COMMD6: variants seen among roughly 807,000 people sequenced by gnomAD.
COMMD6 encodes COMM domain containing 6.
Under a neutral mutation model 13.4 loss-of-function variants are expected in COMMD6, and 11 were observed. The ratio of observed to expected loss-of-function variants is 0.82; its 90% CI spans 0.52 to 1.36. The LOEUF is 1.36. Among genes scored for constraint, COMMD6 ranks in the 40% most tolerant of loss-of-function variants. The pLI is 0.00. For synonymous variants in COMMD6, 43 were observed against 36.5 expected (o/e 1.18, Z -0.64); for missense variants, 124 against 102.4 (o/e 1.21, Z -0.91).
chr13:75,530,000 T>C, intron 3 of COMMD6, 114 bp downstream of exon 3: 1 of 781,820 alleles, frequency 1.3e-6, no homozygotes, highest in South Asian at 1.7e-5. Context: ...ACGTAAAGCA[T>C]ATCAATCTAC....
rs1008653397 is a variant in COMMD6 at position 75,547,158 on chromosome 13, A to C, written n.106+2165T>G. ...GATTACTAAATAGCAGTTGAGCACG[A>C]TGCTTGGGGGCCATTTTAAACATTG... On this transcript the variant is annotated intron_variant and non_coding_transcript_variant, in intron 1 of 2. Coordinates refer to the COMMD6 transcript ENST00000460675. Among the ~76,000 whole-genome samples, 5 of 152,216 alleles carry C rather than the reference A, an allele frequency of 3.3e-5. No homozygotes were observed. The East Asian group carries it at 9.6e-4, about 29-fold the overall frequency.
upstream of COMMD6, among the ~76,000 whole-genome samples, chr13:75,538,274 T>A (rs1357751253): frequency 7.9e-5 from 12 of 152,188 alleles, no homozygotes; most frequent in African/African-American, 2.9e-4. Flanking sequence ...GGCCTAGCTG[T>A]GGGCGGGGCA....
intron 2 of COMMD6, 81 bp downstream of exon 2, chr13:75,537,583 G>A (rs1167365778): frequency 2.5e-6 from 4 of 1,606,366 alleles, no homozygotes; most frequent in African/African-American, 2.7e-5. Flanking sequence ...GGGGAGACCT[G>A]GGGAAGGCTC....
At chr13:75,539,794 CA>C (rs367925680), upstream of COMMD6, among the ~76,000 whole-genome samples, 1 of 151,964 alleles carries the variant, frequency 6.6e-6, no homozygotes, top group Non-Finnish European at 1.5e-5. Flanking sequence ...AAAAAACAAA[CA>C]AAAAAACCCC....
rs1223355173 is a variant in COMMD6, at chr13:75,525,963, TCA to T, written c.*624_*625del. ...ACGGGTTAACTCCGTCGTACAGAAC[TCA>T]GACTAAAACTCGTCTTTCCAACTCT... On this transcript the variant is annotated 3_prime_UTR_variant, in exon 4 of 4. Transcript: ENST00000682242. 1.3e-5 allele frequency: 2 copies of T among 152,242 alleles called. No homozygotes were observed. Among genetic ancestry groups the T allele is most frequent in the Non-Finnish European group, 2.9e-5 (2 of 68,046 alleles). The allele number at this position is 152,242 out of a possible 1,614,324, so 9.4% of individuals were successfully genotyped here.
At chr13:75,530,321 G>C (rs2030429825) in intron 2 of COMMD6, 55 bp from the exon 3 acceptor site, 1 of 1,428,752 alleles carries the variant, frequency 7.0e-7, no homozygotes, top group African/African-American at 1.4e-5. Context: ...CTGGAATGCA[G>C]ATATTTATTC....
At chr13:75,528,985 A>G (rs1350457404) in intron 3 of COMMD6, among the ~76,000 whole-genome samples, 1 of 152,238 alleles carries the variant, frequency 6.6e-6, no homozygotes, top group Admixed American at 6.5e-5. Flanking sequence ...TAGGACCAAT[A>G]TAATTTTAGT....
At position 75,537,778 on chromosome 13, in the gene COMMD6, C is replaced by T; in HGVS notation, c.28G>A (p.Asp10Asn). ...TTGGAACTCACATCGGACTTAGCAT[C>T]CAGCGGCGGCTCGCTGGACGCCTCC... is the stretch of plus-strand genomic sequence containing the variant. MEASSEPPL[D>N]AKSDVTNQLV... The change falls in exon 1 of 4, where the codon GAT becomes AAT. Residue 10 changes from aspartate (D) to asparagine (N), a missense_variant. Transcript: ENST00000682242. The T allele has an allele frequency of 6.2e-7, 1 of 1,611,648 alleles. No individual in the cohort carries two copies. Among genetic ancestry groups the T allele is most frequent in the South Asian group, 1.1e-5 (1 of 90,984 alleles).
upstream of COMMD6, among the ~76,000 whole-genome samples, chr13:75,541,882 T>A (rs192303352): frequency 1.4e-4 from 22 of 152,314 alleles, no homozygotes; most frequent in East Asian, 4.2e-3. Flanking sequence ...TTATGGTGCA[T>A]GTTTAAATAA....
In COMMD6 at chr13:75,526,579, G is replaced by C. The variant is rs76708444; in HGVS notation, c.*10C>G. The C allele has an allele frequency of 1.2e-5, 19 of 1,581,436 alleles. No individual in the cohort carries two copies. The Admixed American group carries it at 3.3e-4, about 27-fold the overall frequency. ...GAATGATAGCAATTTATCAACCAAAGAATCCGTCTTCACACCGTTTCAATA... is the reference window on the plus strand; with the variant it reads ...GAATGATAGCAATTTATCAACCAAACAATCCGTCTTCACACCGTTTCAATA... On this transcript the variant is annotated 3_prime_UTR_variant, in exon 4 of 4. Transcript: ENST00000682242.
upstream of COMMD6, among the ~76,000 whole-genome samples, chr13:75,539,969 CTT>C (rs34796430): frequency 7.6e-3 from 866 of 113,784 alleles, 1 homozygote; most frequent in African/African-American, 0.014. Context: ...GCAAGGAAAT[CTT>C]TTTTTTTTTT....
chr13:75,530,329 T>A, intron 2 of COMMD6, 63 bp from the exon 3 acceptor site: 2 of 1,395,270 alleles, frequency 1.4e-6, no homozygotes. Flanking sequence ...CAGATATTTA[T>A]TCAATTTTAC....
At chr13:75,538,490 A>G (rs1302550949), upstream of COMMD6, among the ~76,000 whole-genome samples, 1 of 152,212 alleles carries the variant, frequency 6.6e-6, no homozygotes, top group African/African-American at 2.4e-5. Context: ...AATTCAATGA[A>G]CACCTGTATA....
At chr13:75,543,529 A>G (rs1345442771), upstream of COMMD6, among the ~76,000 whole-genome samples, 1 of 152,212 alleles carries the variant, frequency 6.6e-6, no homozygotes, top group Non-Finnish European at 1.5e-5. Context: ...GTAATTTGTT[A>G]TAGCAGCAGT....
Position 75,526,573 on chromosome 13 carries a change from A to G in COMMD6, c.*16T>C. The G allele has an allele frequency of 6.4e-7, 1 of 1,572,822 alleles. No homozygotes were observed. Among genetic ancestry groups the G allele is most frequent in the Non-Finnish European group, 8.7e-7 (1 of 1,151,860 alleles). On this transcript the variant is annotated 3_prime_UTR_variant, in exon 4 of 4. Coordinates refer to ENST00000682242, the MANE Select transcript of COMMD6 (RefSeq NM_203495.4). Reference sequence around the variant, plus strand: ...ACTTTAGAATGATAGCAATTTATCAACCAAAGAATCCGTCTTCACACCGTT... The same window carrying G: ...ACTTTAGAATGATAGCAATTTATCAGCCAAAGAATCCGTCTTCACACCGTT...
At chr13:75,548,411 C>T (rs1450535078) in intron 1 of COMMD6, among the ~76,000 whole-genome samples, 1 of 152,154 alleles carries the variant, frequency 6.6e-6, no homozygotes, top group Non-Finnish European at 1.5e-5. Flanking sequence ...AATATAAGCT[C>T]AGCATAATAT....
chr13:75,544,899 C>T (rs1052691966), intron 1 of COMMD6, among the ~76,000 whole-genome samples: 5 of 136,724 alleles, frequency 3.7e-5, no homozygotes, highest in Non-Finnish European at 7.7e-5. Context: ...GCACTCCAGC[C>T]TGGGCGACCA....
chr13:75,545,197 A>G (rs1470961330), intron 1 of COMMD6, among the ~76,000 whole-genome samples: 3 of 152,206 alleles, frequency 2.0e-5, no homozygotes, highest in Non-Finnish European at 2.9e-5. Context: ...TGCTATTAAG[A>G]TAAGTAATAT....
chr13:75,537,797 C>T lies in COMMD6; in HGVS notation c.9G>A (p.Ala3=). The T allele has an allele frequency of 1.9e-6, 3 of 1,609,402 alleles. No individual in the cohort carries two copies. The highest frequency in any genetic ancestry group is 2.5e-6 in the Non-Finnish European group (3 of 1,176,852). ME[A]SSEPPLDAKS... is the part of the protein sequence containing the mutation. ...TAGCATCCAGCGGCGGCTCGCTGGACGCCTCCATGGGCAGCGTCTGGGACT... is the reference window on the plus strand; with the variant it reads ...TAGCATCCAGCGGCGGCTCGCTGGATGCCTCCATGGGCAGCGTCTGGGACT... Residue 3 remains alanine (A), a synonymous_variant, in exon 1 of 4, where the codon GCG becomes GCA. Coordinates refer to ENST00000682242, the MANE Select transcript of COMMD6 (RefSeq NM_203495.4).
Sources: gnomAD v4.1 joint callset for allele counts (sites outside exome capture counted in the v4.1 genomes callset) on GRCh38, gnomAD v4.1.1 for gene constraint, MANE v1.5 for transcripts, NCBI Gene and HGNC (gene_info 2026-07-23, HGNC 2026-07-21) for gene names.